The following THRB variants were observed in gnomAD, a reference collection of about 807,000 sequenced individuals.
The protein encoded by THRB is thyroid hormone receptor beta, also known as nuclear receptor subfamily 1 group A member 2.
In THRB, 12 loss-of-function variants were observed where a neutral mutation model predicts 47.8. The observed-to-expected ratio is 0.25, with a 90% CI of 0.16 to 0.41. The LOEUF is 0.41. Among genes scored for constraint, THRB ranks in the 10% least tolerant of loss-of-function variants. THRB has a pLI of 1.00. For missense variants in THRB, 348 were observed against 589.2 expected (o/e 0.59, Z 4.24); for synonymous variants, 218 against 212.2 (o/e 1.03, Z -0.24).
intron 1 of THRB, among the ~76,000 whole-genome samples, chr3:24,358,397 T>C (rs1163152503): frequency 6.6e-6 from 1 of 152,158 alleles, no homozygotes; most frequent in Non-Finnish European, 1.5e-5. Flanking sequence ...GTCTGGTACT[T>C]TAATGGTTTG....
chr3:24,473,061 T>C (rs1177601974), intron 1 of THRB, among the ~76,000 whole-genome samples: 1 of 152,154 alleles, frequency 6.6e-6, no homozygotes, highest in African/African-American at 2.4e-5. Flanking sequence ...TGGCCAAAGC[T>C]TTCTGAGAGG....
upstream of THRB, chr3:24,495,502 C>T (rs950503197): frequency 6.6e-6 from 1 of 152,660 alleles, no homozygotes; most frequent in Non-Finnish European, 1.5e-5. Context: ...GCTCCCCCTC[C>T]TCCTAATCCC....
intron 5 of THRB, among the ~76,000 whole-genome samples, chr3:24,155,373 C>A (rs1443633830): frequency 6.6e-6 from 1 of 152,190 alleles, no homozygotes; most frequent in African/African-American, 2.4e-5. Flanking sequence ...TACTAGTGCA[C>A]CCCACCCCTT....
chr3:24,131,956 G>T (rs1339769356), intron 9 of THRB, among the ~76,000 whole-genome samples: 4 of 152,216 alleles, frequency 2.6e-5, no homozygotes, highest in Non-Finnish European at 5.9e-5. Flanking sequence ...AGGTCTAGGG[G>T]CAAGATATCT....
intron 1 of THRB, among the ~76,000 whole-genome samples, chr3:24,427,667 A>G (rs1266795595): frequency 6.6e-6 from 1 of 152,054 alleles, no homozygotes; most frequent in Non-Finnish European, 1.5e-5. Flanking sequence ...AAATAACTTT[A>G]TTTCTGTAAA....
At chr3:24,229,350 C>G (rs1242181094) in intron 3 of THRB, among the ~76,000 whole-genome samples, 1 of 152,200 alleles carries the variant, frequency 6.6e-6, no homozygotes, top group East Asian at 1.9e-4. Flanking sequence ...GATCTTGCTT[C>G]TCAAGGTGTG....
At position 24,182,196 on chromosome 3, in the gene THRB, G is replaced by A. The variant is rs1474846639; in HGVS notation, c.283+7878C>T. Among the ~76,000 whole-genome samples the A allele has an allele frequency of 4.0e-5, 6 of 151,128 alleles. No homozygotes were observed. In the East Asian group the frequency reaches 7.7e-4, roughly 20 times the overall value. Reference sequence around the variant, plus strand: ...AGCCTGGGCGACAGAGTGAGACTCCGTTTCAAAAACAAAACAAAACAAAAA... The same window carrying A: ...AGCCTGGGCGACAGAGTGAGACTCCATTTCAAAAACAAAACAAAACAAAAA... On this transcript the variant is annotated intron_variant, in intron 5 of 10. Coordinates refer to ENST00000646209, the MANE Select transcript of THRB (RefSeq NM_001354712.2).
intron 4 of THRB, among the ~76,000 whole-genome samples, chr3:24,227,622 G>A (rs1249008233): frequency 2.6e-5 from 4 of 152,204 alleles, no homozygotes; most frequent in Non-Finnish European, 5.9e-5. Flanking sequence ...TGCTGGGAGA[G>A]TTAAAGTTTA....
intron 1 of THRB, among the ~76,000 whole-genome samples, chr3:24,371,727 GA>G (rs1471992146): frequency 2.0e-5 from 3 of 152,136 alleles, no homozygotes; most frequent in Non-Finnish European, 2.9e-5. Context: ...GGACACTTTG[GA>G]AGCTGGTGCT....
intron 1 of THRB, among the ~76,000 whole-genome samples, chr3:24,436,200 T>G (rs1338271314): frequency 6.7e-6 from 1 of 149,498 alleles, no homozygotes; most frequent in Non-Finnish European, 1.5e-5. Context: ...CTAAGGGAGA[T>G]CCAAAGAGAT....
rs1335232974 is a variant in THRB at position 24,184,362 on chromosome 3, C to T, written c.283+5712G>A. 3.3e-5 allele frequency among the ~76,000 whole-genome samples: 5 copies of T among 152,134 alleles called. No individual in the cohort carries two copies. The East Asian group carries it at 9.6e-4, about 29-fold the overall frequency. The stretch of plus-strand genomic sequence containing the variant: ...GTATGATGAGAGGTATGGTTGGGTA[C>T]GTCTGCATCCTTTGGCGTGACAGAC... On this transcript the variant is annotated intron_variant, in intron 5 of 10. Coordinates refer to ENST00000646209, the MANE Select transcript of THRB (RefSeq NM_001354712.2).
chr3:24,329,433 A>G (rs985828403), intron 2 of THRB, among the ~76,000 whole-genome samples: 3 of 152,132 alleles, frequency 2.0e-5, no homozygotes, highest in Admixed American at 6.5e-5. Flanking sequence ...CATGCCCCCA[A>G]TTCATTTTTG....
chr3:24,390,621 G>A (rs887211244), intron 1 of THRB, among the ~76,000 whole-genome samples: 11 of 151,936 alleles, frequency 7.2e-5, no homozygotes, highest in Middle Eastern at 3.4e-3. Flanking sequence ...AATCAGATAA[G>A]TCAACACTTG....
chr3:24,277,211 C>G (rs2054012896), intron 3 of THRB, among the ~76,000 whole-genome samples: 2 of 152,138 alleles, frequency 1.3e-5, no homozygotes, highest in African/African-American at 2.4e-5. Context: ...CAGGGTTCAT[C>G]TGGCAATGTC....
chr3:24,301,958 A>G (rs2056972595), intron 2 of THRB, among the ~76,000 whole-genome samples: 1 of 152,176 alleles, frequency 6.6e-6, no homozygotes, highest in African/African-American at 2.4e-5. Flanking sequence ...ATGGCAAGAA[A>G]GTTGATTCTC....
At chr3:24,126,581 C>G (rs1900997) in intron 10 of THRB, among the ~76,000 whole-genome samples, 2,460 of 152,224 alleles carry the variant, frequency 0.016, 67 homozygotes, top group African/African-American at 0.056. Flanking sequence ...AAGAAGTCCA[C>G]AGGGACTTAC....
intron 5 of THRB, among the ~76,000 whole-genome samples, chr3:24,168,788 A>G (rs571036223): frequency 6.6e-6 from 1 of 151,542 alleles, no homozygotes; most frequent in Non-Finnish European, 1.5e-5. Flanking sequence ...CCTTTGAGTT[A>G]ACCAGTCAAG....
intron 4 of THRB, among the ~76,000 whole-genome samples, chr3:24,212,038 C>T (rs6783910): frequency 1.3e-3 from 201 of 151,900 alleles, no homozygotes; most frequent in African/African-American, 4.6e-3. Flanking sequence ...CTGAGGCAGG[C>T]GGATCACCTG....
At chr3:24,353,250 A>G (rs1311862582) in intron 1 of THRB, among the ~76,000 whole-genome samples, 1 of 151,960 alleles carries the variant, frequency 6.6e-6, no homozygotes, top group African/African-American at 2.4e-5. Context: ...ACTGTAGTCC[A>G]TAAGTAACGC....
Sources: allele counts gnomAD v4.1 joint callset (sites outside exome capture counted in the v4.1 genomes callset), GRCh38; gene constraint gnomAD v4.1.1; transcripts MANE v1.5; gene names NCBI Gene and HGNC (gene_info 2026-07-23, HGNC 2026-07-21).